Variants in ATXN2 observed in about 807,000 individuals in gnomAD.
The protein encoded by ATXN2 is ataxin 2.
A neutral mutation model predicts 138.6 loss-of-function variants in ATXN2; 37 were observed. The observed-to-expected ratio is 0.27, with a 90% CI of 0.21 to 0.35. The LOEUF is 0.35. Among genes scored for constraint, ATXN2 ranks in the 10% least tolerant of loss-of-function variants. ATXN2 has a pLI of 1.00. For missense variants in ATXN2, 1,216 were observed against 1,480.3 expected (o/e 0.82, Z 2.93); for synonymous variants, 549 against 543.7 (o/e 1.01, Z -0.13).
chr12:111,465,891 G>A (rs1416796942), intron 20 of ATXN2, among the ~76,000 whole-genome samples: 1 of 151,584 alleles, frequency 6.6e-6, no homozygotes, highest in Non-Finnish European at 1.5e-5. Flanking sequence ...AAGAGGCCGG[G>A]GCAGTGGCTC....
chr12:111,469,876 A>T (rs1876280910), intron 20 of ATXN2: 1 of 497,470 alleles, frequency 2.0e-6, no homozygotes, highest in Non-Finnish European at 3.5e-6. Context: ...TATATACATC[A>T]TTACATTTTA....
chr12:111,489,749 C>CTG (rs770596069), intron 14 of ATXN2, among the ~76,000 whole-genome samples: 4 of 151,816 alleles, frequency 2.6e-5, no homozygotes, highest in Non-Finnish European at 5.9e-5. Context: ...TAGTGATACC[C>CTG]TGTCTCATTT....
chr12:111,595,897 T>C (rs1339222209), intron 1 of ATXN2, among the ~76,000 whole-genome samples: 1 of 145,466 alleles, frequency 6.9e-6, no homozygotes, highest in African/African-American at 2.8e-5. Flanking sequence ...ACCCCATCTC[T>C]ACTAAAAATA....
chr12:111,514,032 C>T (rs866551149), intron 10 of ATXN2, among the ~76,000 whole-genome samples: 13 of 152,120 alleles, frequency 8.5e-5, no homozygotes, highest in Middle Eastern at 6.8e-3. Flanking sequence ...CTATACACCC[C>T]GATACCACTA....
chr12:111,540,431 A>G (rs928680240), intron 5 of ATXN2, among the ~76,000 whole-genome samples: 2 of 150,418 alleles, frequency 1.3e-5, no homozygotes, highest in African/African-American at 2.4e-5. Context: ...GTGTTTTGCA[A>G]CTCCCTCAGT....
chr12:111,552,620 T>G lies in ATXN2; in HGVS notation c.421-190A>C. 1.5e-6 allele frequency: 1 copy of G among 658,652 alleles called. No homozygotes were observed. Among genetic ancestry groups the G allele is most frequent in the Non-Finnish European group, 2.4e-6 (1 of 420,580 alleles). 40.8% of individuals were successfully genotyped at this position (658,652 alleles called of 1,614,324 possible). On this transcript the variant is annotated intron_variant, in intron 4 of 24. Transcript: ENST00000673436. This position sits in a 1 kb window ranked among gnomAD's most constrained non-coding sequence, Gnocchi z 4.1. ...ATTTAAAAATCCTCATATCTAAATGTTTTTTGTTTCTATGGTTTGTCTTAA... is the reference window on the plus strand; with the variant it reads ...ATTTAAAAATCCTCATATCTAAATGGTTTTTGTTTCTATGGTTTGTCTTAA...
chr12:111,573,045 T>A (rs868253865), intron 1 of ATXN2, among the ~76,000 whole-genome samples: 47 of 147,790 alleles, frequency 3.2e-4, no homozygotes, highest in African/African-American at 6.4e-4. Context: ...TTTCAAAATT[T>A]TAAAAAAAAA....
At chr12:111,581,025 CTACTTGGGAGGCTGAGA>C (rs1429289997) in intron 1 of ATXN2, among the ~76,000 whole-genome samples, 1 of 150,840 alleles carries the variant, frequency 6.6e-6, no homozygotes, top group East Asian at 2.0e-4. Flanking sequence ...GTAGTCCCAG[CTACTTGGGAGGCTGAGA>C]CAGGAATAGC....
intron 1 of ATXN2, among the ~76,000 whole-genome samples, chr12:111,590,636 G>T (rs1884607900): frequency 6.6e-6 from 1 of 151,568 alleles, no homozygotes; most frequent in South Asian, 2.1e-4. Context: ...AGTGAGCTGA[G>T]ATCGTGCCAC....
chr12:111,486,936 A>C, intron 15 of ATXN2, 112 bp from the exon 16 acceptor site: 2 of 814,662 alleles, frequency 2.5e-6, no homozygotes, highest in Non-Finnish European at 3.9e-6. Context: ...AACTGTTCTC[A>C]CTAGAAGATC....
intron 12 of ATXN2, 62 bp from the exon 13 acceptor site, chr12:111,510,060 G>T (rs1267552577): frequency 3.4e-6 from 4 of 1,182,048 alleles, no homozygotes; most frequent in South Asian, 1.4e-5. Flanking sequence ...AGAAAACACT[G>T]AACAATAATT....
intron 6 of ATXN2, 37 bp from the exon 7 acceptor site, chr12:111,521,010 A>C (rs1469365277): frequency 7.5e-7 from 1 of 1,331,482 alleles, no homozygotes; most frequent in Non-Finnish European, 1.1e-6. Context: ...AAAATGTCAA[A>C]GTAGTTGTTC....
rs889476279 is a variant in ATXN2, at chr12:111,598,574, G to A, written c.251+210C>T. ...GGGGGAGGGGGCGGGGATGCTGCGG[G>A]AGGCTGGACAGGCCTGACAATCCCA... On this transcript the variant is annotated intron_variant, in intron 1 of 24. Coordinates refer to ENST00000673436, the MANE Select transcript of ATXN2 (RefSeq NM_001372574.1). This position sits in a 1 kb window ranked among gnomAD's most constrained non-coding sequence, Gnocchi z 4.5. 4.6e-5 allele frequency: 45 copies of A among 984,394 alleles called. No homozygotes were observed. The highest frequency in any genetic ancestry group is 5.2e-5 in the Non-Finnish European group (43 of 829,070). 61.0% of individuals were successfully genotyped at this position (984,394 alleles called of 1,614,324 possible). A position where few individuals can be genotyped will look rare whatever the true frequency, so the allele number is the denominator to read the frequency against.
chr12:111,565,665 GT>G (rs1299437588), intron 1 of ATXN2, among the ~76,000 whole-genome samples: 2 of 151,852 alleles, frequency 1.3e-5, no homozygotes, highest in Non-Finnish European at 2.9e-5. Flanking sequence ...CTTTCTCCTC[GT>G]GCCTCTCTAT....
At chr12:111,497,399 C>CA in intron 14 of ATXN2, among the ~76,000 whole-genome samples, 1 of 152,178 alleles carries the variant, frequency 6.6e-6, no homozygotes, top group East Asian at 1.9e-4. Flanking sequence ...TTACCCTATA[C>CA]AAAACCAAAG....
At chr12:111,508,178 T>C (rs566977993) in intron 14 of ATXN2, among the ~76,000 whole-genome samples, 14 of 151,282 alleles carry the variant, frequency 9.3e-5, no homozygotes, top group African/African-American at 3.4e-4. Context: ...AAAGACTTTA[T>C]AGCAAATTTA....
chr12:111,555,840 T>A, intron 2 of ATXN2, 43 bp downstream of exon 2: 1 of 1,524,062 alleles, frequency 6.6e-7, no homozygotes, highest in Non-Finnish European at 8.9e-7. Flanking sequence ...GATCATGTTT[T>A]AGCTACTAAT....
At chr12:111,556,686 T>C (rs1413278874) in intron 1 of ATXN2, among the ~76,000 whole-genome samples, 1 of 151,784 alleles carries the variant, frequency 6.6e-6, no homozygotes, top group Non-Finnish European at 1.5e-5. Context: ...TGTGGTGGCA[T>C]GCGCCTGTAG....
At chr12:111,551,887 C>CT (rs571252871) in intron 5 of ATXN2, among the ~76,000 whole-genome samples, 110 of 147,054 alleles carry the variant, frequency 7.5e-4, no homozygotes, top group African/African-American at 8.4e-4. Flanking sequence ...TTTTTTCTTT[C>CT]TTTTTTTTTT....
Sources: gnomAD v4.1 joint callset for allele counts (sites outside exome capture counted in the v4.1 genomes callset) on GRCh38, gnomAD v4.1.1 for gene constraint, Gnocchi (gnomAD v3.1) non-coding constraint, MANE v1.5 for transcripts, NCBI Gene and HGNC (gene_info 2026-07-23, HGNC 2026-07-21) for gene names.